The following ATF2 variants were observed in gnomAD, a reference collection of about 807,000 sequenced individuals.
ATF2 encodes cyclic AMP-dependent transcription factor ATF-2.
ATF2 carries 24 observed loss-of-function variants against 60.6 expected under a neutral mutation model. That is an observed-to-expected ratio of 0.40 (90% CI 0.29 to 0.56). The LOEUF is 0.56. Among genes scored for constraint, ATF2 ranks in the 20% least tolerant of loss-of-function variants. ATF2 has a pLI of 0.54. For synonymous variants in ATF2, 206 were observed against 215.4 expected (o/e 0.96, Z 0.38); for missense variants, 433 against 607.7 (o/e 0.71, Z 3.02).
At position 175,077,714 on chromosome 2, in the gene ATF2, C is replaced by T. The variant is rs143128143; in HGVS notation, c.1292-2879G>A. 5.9e-5 allele frequency among the ~76,000 whole-genome samples: 9 copies of T among 152,230 alleles called. No individual in the cohort carries two copies. The East Asian group carries it at 7.7e-4, about 13-fold the overall frequency. On this transcript the variant is annotated intron_variant, in intron 13 of 13. Transcript: ENST00000264110. ...GAATTAGGTAAAGCAAATCTTTAAG[C>T]AGTACAAAGAATCAGGTACTCACAA... is the stretch of plus-strand genomic sequence containing the variant.
At chr2:175,135,006 T>TA (rs60122560) in intron 3 of ATF2, among the ~76,000 whole-genome samples, 2,359 of 85,658 alleles carry the variant, frequency 0.028, 79 homozygotes, top group East Asian at 0.047. Flanking sequence ...CCCATCTCTT[T>TA]AAAAAAAAAA....
chr2:175,160,714 T>C (rs369080959), intron 1 of ATF2, among the ~76,000 whole-genome samples: 2 of 152,100 alleles, frequency 1.3e-5, no homozygotes, highest in Non-Finnish European at 2.9e-5. Context: ...AAATGAAAGG[T>C]TTCCCTAGAA....
intron 8 of ATF2, 132 bp from the exon 9 acceptor site, chr2:175,114,240 A>G (rs1696396235): frequency 1.4e-6 from 2 of 1,409,110 alleles, no homozygotes; most frequent in Non-Finnish European, 1.8e-6. Context: ...CAAAGCAAAT[A>G]GCAAAATTTA....
At chr2:175,163,891 A>G (rs1331448182) in intron 1 of ATF2, among the ~76,000 whole-genome samples, 2 of 129,238 alleles carry the variant, frequency 1.5e-5, no homozygotes, top group Non-Finnish European at 3.2e-5. Context: ...ACTGCACTCC[A>G]GCCTGGGTGA....
At chr2:175,080,498 A>G in intron 13 of ATF2, 162 bp downstream of exon 13, 1 of 472,398 alleles carries the variant, frequency 2.1e-6, no homozygotes, top group Non-Finnish European at 3.6e-6. Flanking sequence ...ATTCTAAAAA[A>G]TTATACCTCT....
intron 7 of ATF2, among the ~76,000 whole-genome samples, chr2:175,115,077 C>CA (rs1559080990): frequency 1.0e-4 from 14 of 140,582 alleles, no homozygotes; most frequent in African/African-American, 3.8e-4. Context: ...TAAAAAGACT[C>CA]GTTTTTTTTT....
chr2:175,167,018 C>A (rs1313568134), intron 1 of ATF2, among the ~76,000 whole-genome samples: 1 of 152,154 alleles, frequency 6.6e-6, no homozygotes, highest in East Asian at 1.9e-4. Context: ...AGAAACATTT[C>A]TTTCACTAAA....
chr2:175,106,835 CAAAAAT>C (rs977762729), intron 10 of ATF2, among the ~76,000 whole-genome samples: 2 of 151,870 alleles, frequency 1.3e-5, no homozygotes, highest in Non-Finnish European at 2.9e-5. Flanking sequence ...GACTCTGTCT[CAAAAAT>C]AAATAAATAA....
intron 13 of ATF2, among the ~76,000 whole-genome samples, chr2:175,076,525 C>A (rs963394523): frequency 5.3e-5 from 8 of 152,084 alleles, no homozygotes; most frequent in African/African-American, 7.2e-5. Context: ...GAACATAGCA[C>A]CCAACAGGTC....
intron 1 of ATF2, among the ~76,000 whole-genome samples, chr2:175,164,847 G>A (rs765107407): frequency 1.3e-5 from 2 of 152,154 alleles, no homozygotes; most frequent in Non-Finnish European, 2.9e-5. Flanking sequence ...ACAATACTAA[G>A]TGAATTTTTT....
intron 9 of ATF2, among the ~76,000 whole-genome samples, chr2:175,113,649 A>G (rs2105687432): frequency 6.6e-6 from 1 of 152,216 alleles, no homozygotes; most frequent in African/African-American, 2.4e-5. Context: ...CAATTTCCAT[A>G]CTAATAGAAA....
chr2:175,133,419 CT>C (rs1451111163), intron 3 of ATF2, among the ~76,000 whole-genome samples: 3 of 152,122 alleles, frequency 2.0e-5, no homozygotes. Context: ...ATAATTGGTT[CT>C]AGAAATTTTA....
chr2:175,084,550 C>T (rs1559049933), intron 12 of ATF2, among the ~76,000 whole-genome samples: 1 of 145,332 alleles, frequency 6.9e-6, no homozygotes. Flanking sequence ...TGCTAAATGA[C>T]GAGTTAATGG....
intron 2 of ATF2, among the ~76,000 whole-genome samples, chr2:175,136,844 C>A (rs1698173501): frequency 6.6e-6 from 1 of 152,108 alleles, no homozygotes; most frequent in Admixed American, 6.5e-5. Flanking sequence ...CTTCAGAAAG[C>A]TTTTAATTTT....
At chr2:175,142,006 C>T (rs1357236657) in intron 2 of ATF2, among the ~76,000 whole-genome samples, 6 of 151,620 alleles carry the variant, frequency 4.0e-5, no homozygotes, top group African/African-American at 1.5e-4. Flanking sequence ...TAGGGAAGAG[C>T]AAATCCCTGA....
At chr2:175,148,392 T>G (rs145643885) in intron 2 of ATF2, among the ~76,000 whole-genome samples, 1 of 148,962 alleles carries the variant, frequency 6.7e-6, no homozygotes, top group African/African-American at 2.6e-5. Flanking sequence ...AGACAGCATG[T>G]TGAGGCACAA....
intron 12 of ATF2, among the ~76,000 whole-genome samples, chr2:175,082,244 A>G (rs900558008): frequency 6.6e-6 from 1 of 152,240 alleles, no homozygotes; most frequent in East Asian, 1.9e-4. Flanking sequence ...ATTGATGCTC[A>G]TAATAACTCT....
intron 13 of ATF2, 148 bp downstream of exon 13, chr2:175,080,512 C>T (rs950122281): frequency 5.2e-5 from 29 of 554,550 alleles, no homozygotes; most frequent in Non-Finnish European, 8.4e-5. Context: ...TACCTCTCTA[C>T]TGCATTCTAT....
At chr2:175,135,169 G>T (rs1339654462) in intron 3 of ATF2, among the ~76,000 whole-genome samples, 1 of 152,052 alleles carries the variant, frequency 6.6e-6, no homozygotes, top group Admixed American at 6.6e-5. Flanking sequence ...TGAAATAATG[G>T]ATCTGGGCAA....
Sources: allele counts gnomAD v4.1 joint callset (sites outside exome capture counted in the v4.1 genomes callset), GRCh38; gene constraint gnomAD v4.1.1; transcripts MANE v1.5; gene names NCBI Gene and HGNC (gene_info 2026-07-23, HGNC 2026-07-21).